The following AGAP3 variants were observed in gnomAD, a reference collection of about 807,000 sequenced individuals.
AGAP3 encodes the protein arf-GAP with GTPase, ANK repeat and PH domain-containing protein 3.
In AGAP3, 24 loss-of-function variants were observed where a neutral mutation model predicts 96.9. The ratio of observed to expected loss-of-function variants is 0.25; its 90% CI spans 0.18 to 0.35. The LOEUF is 0.35. AGAP3 is among the 10% of genes least tolerant of loss of function. AGAP3 has a pLI of 1.00. For synonymous variants in AGAP3, 563 were observed against 536.1 expected, an observed-to-expected ratio of 1.05 and a Z score of -0.69; for missense variants, 876 against 1,254.2, an observed-to-expected ratio of 0.70 and a Z score of 4.55.
intron 1 of AGAP3, among the ~76,000 whole-genome samples, chr7:151,093,267 G>A (rs1389015614): frequency 6.6e-6 from 1 of 152,070 alleles, no homozygotes; most frequent in African/African-American, 2.4e-5. Context: ...CAGTCTCCCA[G>A]GTAGCAGAGA....
chr7:151,110,759 A>G (rs1351687919), intron 1 of AGAP3, among the ~76,000 whole-genome samples: 2 of 152,116 alleles, frequency 1.3e-5, no homozygotes, highest in Admixed American at 6.5e-5. Context: ...TCTGGGCCAC[A>G]TTTAGGAGGG....
chr7:151,131,693 G>A (rs992312962), intron 10 of AGAP3, among the ~76,000 whole-genome samples: 6 of 152,196 alleles, frequency 3.9e-5, no homozygotes, highest in East Asian at 1.9e-4. Flanking sequence ...GGCTGGTGCC[G>A]TCAGAGATGC....
In AGAP3 at chr7:151,140,490, A is replaced by G. The variant is rs1435585627; in HGVS notation, c.1804+374A>G. 6.4e-6 allele frequency: 1 copy of G among 156,594 alleles called. No individual in the cohort carries two copies. The highest frequency in any genetic ancestry group is 2.4e-5 in the African/African-American group (1 of 41,614). 9.7% of individuals were successfully genotyped at this position (156,594 alleles called of 1,614,324 possible). A position where few individuals can be genotyped will look rare whatever the true frequency, so the allele number is the denominator to read the frequency against. On this transcript the variant is annotated intron_variant, in intron 13 of 17. Coordinates refer to ENST00000397238, the MANE Select transcript of AGAP3 (RefSeq NM_031946.7). The surrounding 1 kb of genome is among the most constrained non-coding windows in gnomAD (Gnocchi z 5.4). The stretch of plus-strand genomic sequence containing the variant: ...CTTACTAGGTGCGTAATACATGTGT[A>G]CAGATTGGCTGAGTCTCTCATTAGT...
At chr7:151,134,703 C>T (rs986557359) in intron 11 of AGAP3, 135 bp downstream of exon 11, 10 of 923,976 alleles carry the variant, frequency 1.1e-5, no homozygotes, top group Admixed American at 7.7e-5. Flanking sequence ...TCATCTCAGC[C>T]AAAGACATGT....
At chr7:151,104,348 C>G (rs1320642183) in intron 1 of AGAP3, among the ~76,000 whole-genome samples, 1 of 152,192 alleles carries the variant, frequency 6.6e-6, no homozygotes, top group African/African-American at 2.4e-5. Flanking sequence ...AATTACATTT[C>G]TGGGTCATAA....
chr7:151,129,196 A>G (rs1003941449), intron 10 of AGAP3, among the ~76,000 whole-genome samples: 1 of 151,616 alleles, frequency 6.6e-6, no homozygotes, highest in Non-Finnish European at 1.5e-5. Context: ...GCCCCTGTGC[A>G]GCTCCCCCAC....
chr7:151,134,829 G>A (rs908827738), intron 11 of AGAP3, among the ~76,000 whole-genome samples: 6 of 152,186 alleles, frequency 3.9e-5, no homozygotes. Flanking sequence ...GGTGCTGGTG[G>A]TCCTAGGCCC....
In AGAP3 at chr7:151,133,731, C is replaced by T. The variant is rs1223815473; in HGVS notation, c.1327-669C>T. On this transcript the variant is annotated intron_variant, in intron 10 of 17. Transcript: ENST00000397238. This position sits in a 1 kb window ranked among gnomAD's most constrained non-coding sequence, Gnocchi z 5.4. ...GTGGTGAAGATTACGCGAGGCTATA[C>T]GTGGAATGTATAAATACACTGCTGT... 7.9e-5 allele frequency among the ~76,000 whole-genome samples: 12 copies of T among 152,314 alleles called. No homozygotes were observed. The East Asian group carries it at 9.6e-4, about 12-fold the overall frequency.
Position 151,139,405 on chromosome 7 carries a change from G to A in AGAP3, c.1667-574G>A, listed in dbSNP as rs1352657877. Among the ~76,000 whole-genome samples the A allele has an allele frequency of 6.6e-5, 10 of 152,332 alleles. No homozygotes were observed. The highest frequency in any genetic ancestry group is 1.4e-4 in the African/African-American group (6 of 41,582). ...CCAGGGGCCCTTCCCTTGGGTCACC[G>A]GTCCGGTGGCCTGTGCTGGCCTGCG... is the stretch of plus-strand genomic sequence containing the variant. On this transcript the variant is annotated intron_variant, in intron 12 of 17. Coordinates refer to ENST00000397238, the MANE Select transcript of AGAP3 (RefSeq NM_031946.7). This position sits in a 1 kb window ranked among gnomAD's most constrained non-coding sequence, Gnocchi z 4.9.
intron 1 of AGAP3, among the ~76,000 whole-genome samples, chr7:151,113,319 T>C (rs1799381169): frequency 6.6e-6 from 1 of 152,150 alleles, no homozygotes; most frequent in Admixed American, 6.5e-5. Context: ...GAAGCCGTCT[T>C]CACCAACGCT....
chr7:151,123,811 C>G lies in AGAP3; in HGVS notation c.1146C>G (p.Asp382Glu), dbSNP rs768044326. ...SNIFTSRKGADLDREKKAAEC... is the reference protein window; with the variant it reads ...SNIFTSRKGAELDREKKAAEC... Reference sequence around the variant, plus strand: ...TCTTCCAGTCTCGGAAGGGTGCTGACCTGGACCGGGAGAAGAAGGCTGCCG... The same window carrying G: ...TCTTCCAGTCTCGGAAGGGTGCTGAGCTGGACCGGGAGAAGAAGGCTGCCG... The change falls in exon 9 of 18, where the codon GAC becomes GAG. Residue 382 changes from aspartate (D) to glutamate (E), a missense_variant. By Grantham distance (45) the Asp-to-Glu change is conservative. Coordinates refer to ENST00000397238, the MANE Select transcript of AGAP3 (RefSeq NM_031946.7). The G allele has an allele frequency of 1.9e-6, 3 of 1,613,054 alleles. No homozygotes were observed. The highest frequency in any genetic ancestry group is 1.7e-5 in the Admixed American group (1 of 60,006).
chr7:151,087,173 G>T (rs543963076), intron 1 of AGAP3, 101 bp downstream of exon 1: 1 of 1,316,914 alleles, frequency 7.6e-7, no homozygotes, highest in African/African-American at 1.5e-5. Flanking sequence ...CCCTGTCGGG[G>T]GTCCTTGCGC....
rs1165461698 is a variant in AGAP3 at position 151,123,120 on chromosome 7, G to A, written c.1129-674G>A. The A allele has an allele frequency of 3.6e-6, 4 of 1,124,270 alleles. No individual in the cohort carries two copies. In the South Asian group the frequency reaches 1.2e-4, roughly 34 times the overall value. 69.6% of individuals were successfully genotyped at this position (1,124,270 alleles called of 1,614,324 possible). ...CCCGCCCGGCCCGGCTGCTCCTGGG[G>A]GGCGCTTTCCTGCCCCTCCCCTCCT... On this transcript the variant is annotated intron_variant, in intron 8 of 17. Transcript: ENST00000397238.
chr7:151,118,361 G>C lies in AGAP3; in HGVS notation c.841+17G>C. On this transcript the variant is annotated intron_variant, in intron 6 of 17. Transcript: ENST00000397238. This position sits in a 1 kb window ranked among gnomAD's most constrained non-coding sequence, Gnocchi z 6.1. ...TCCAGGACGGTAACTCGGGTGCCGG[G>C]TGGGAGTCACTGGCAGCCGCGGCCC... The C allele has an allele frequency of 6.2e-7, 1 of 1,605,048 alleles. No homozygotes were observed. Among genetic ancestry groups the C allele is most frequent in the Non-Finnish European group, 8.5e-7 (1 of 1,173,042 alleles).
intron 1 of AGAP3, among the ~76,000 whole-genome samples, chr7:151,109,721 G>T (rs1799204503): frequency 6.6e-6 from 1 of 152,184 alleles, no homozygotes. Flanking sequence ...TCTTAGAGGG[G>T]AGATGGAGGG....
chr7:151,125,649 GCGCTTCCC>G (rs1267106873), intron 9 of AGAP3, among the ~76,000 whole-genome samples: 7 of 152,268 alleles, frequency 4.6e-5, no homozygotes, highest in Middle Eastern at 3.4e-3. Context: ...GCCATTCCTG[GCGCTTCCC>G]CGCTGCCGCC....
rs1361023841 is a variant in AGAP3 at position 151,117,730 on chromosome 7, G to A, written c.659G>A (p.Ser220Asn). The stretch of plus-strand genomic sequence containing the variant: ...TACAACTACTTCCTGCGTCTCTGCA[G>A]CTTCCGCAACGCCAGCGAGGTGCCC... The part of the protein sequence containing the change: ...TVYNYFLRLC[S>N]FRNASEVPMV... Residue 220 changes from serine (S) to asparagine (N), a missense_variant, in exon 5 of 18, where the codon AGC becomes AAC. This residue lies in a region of AGAP3 where 131 missense variants were observed against 304.5 expected (regional missense o/e 0.43). Transcript: ENST00000397238. 6.2e-7 allele frequency: 1 copy of A among 1,614,188 alleles called. No individual in the cohort carries two copies. The highest frequency in any genetic ancestry group is 8.5e-7 in the Non-Finnish European group (1 of 1,180,014).
At chr7:151,115,026 CG>C in intron 1 of AGAP3, 1 of 991,512 alleles carries the variant, frequency 1.0e-6, no homozygotes, top group Non-Finnish European at 1.2e-6. Flanking sequence ...GCGCCTCGGC[CG>C]CCGGGGCCTG....
chr7:151,120,919 T>C, intron 8 of AGAP3: 1 of 971,284 alleles, frequency 1.0e-6, no homozygotes, highest in African/African-American at 1.8e-5. Context: ...ACCCTAATCC[T>C]CCAGCCGGGC....
Sources: allele counts gnomAD v4.1 joint callset (sites outside exome capture counted in the v4.1 genomes callset), GRCh38; gene constraint gnomAD v4.1.1; regional missense constraint gnomAD v4.1.1; non-coding constraint Gnocchi (gnomAD v3.1); transcripts MANE v1.5; gene names NCBI Gene and HGNC (gene_info 2026-07-23, HGNC 2026-07-21).